SMG6: variants seen among roughly 807,000 people sequenced by gnomAD.
SMG6 encodes SMG6 nonsense mediated mRNA decay factor, also known as telomerase-binding protein EST1A.
Under a neutral mutation model 142.2 loss-of-function variants are expected in SMG6, and 66 were observed. The ratio of observed to expected loss-of-function variants is 0.46; its 90% CI spans 0.38 to 0.57. SMG6 has a LOEUF of 0.57. SMG6 is among the 20% of genes least tolerant of loss of function. The pLI is 0.00. For synonymous variants in SMG6, 779 were observed against 702.4 expected (o/e 1.11, Z -1.72); for missense variants, 1,793 against 1,832.0 (o/e 0.98, Z 0.39).
intron 15 of SMG6, among the ~76,000 whole-genome samples, chr17:2,069,605 A>C (rs1042921005): frequency 2.0e-5 from 3 of 152,174 alleles, no homozygotes; most frequent in African/African-American, 7.2e-5. Context: ...CAAAAAACAA[A>C]AACAACAACA....
chr17:2,232,659 C>T (rs2073530939), intron 10 of SMG6: 1 of 152,194 alleles, frequency 6.6e-6, no homozygotes, highest in South Asian at 2.1e-4. Context: ...TCTGTATCCA[C>T]TGACGTAGGA....
chr17:2,093,193 CAAAAA>C (rs530054035), intron 13 of SMG6, among the ~76,000 whole-genome samples: 1 of 96,946 alleles, frequency 1.0e-5, no homozygotes, highest in African/African-American at 3.8e-5. Context: ...GACTCTGTTG[CAAAAA>C]AAAAAAAAAA....
At chr17:2,269,708 C>A (rs576959195) in intron 8 of SMG6, among the ~76,000 whole-genome samples, 1 of 152,070 alleles carries the variant, frequency 6.6e-6, no homozygotes, top group Admixed American at 6.6e-5. Context: ...AAGAAAATCA[C>A]GAGAGATTTG....
rs1414444450 is a variant in SMG6 at position 2,172,718 on chromosome 17, G to A, written c.3297C>T (p.Gly1099=). The change falls in exon 13 of 19, where the codon GGC becomes GGT. Residue 1099 remains glycine (G), a synonymous_variant. Coordinates refer to ENST00000263073, the MANE Select transcript of SMG6 (RefSeq NM_017575.5). ...LILEEDRLLS[G]FVPLLAAPQD... ...GAGGGGCAGCCAGCAAGGGGACAAA[G>A]CCCGAGAGAAGCCGATCCTCTTCCA... 2 of 1,614,138 alleles carry A rather than the reference G, an allele frequency of 1.2e-6. No individual in the cohort carries two copies. The highest frequency in any genetic ancestry group is 1.7e-5 in the Admixed American group (1 of 60,020).
At chr17:2,234,444 G>A (rs2073591105) in intron 10 of SMG6, among the ~76,000 whole-genome samples, 1 of 151,490 alleles carries the variant, frequency 6.6e-6, no homozygotes, top group South Asian at 2.1e-4. Context: ...GGTATTTTTA[G>A]TATAGACAGG....
Position 2,061,612 on chromosome 17 carries a change from G to A in SMG6, c.4140C>T (p.Ile1380=). Residue 1380 remains isoleucine (I), a synonymous_variant, in exon 19 of 19, where the codon ATC becomes ATT. Transcript: ENST00000263073. ...DFMPASKEEP[I]RLLREVVLLT... ...ACAGCACCACCTCCCGCAGTAGCCG[G>A]ATTGGCTCCTCTGTGGGCATGAGAG... 6.4e-7 allele frequency: 1 copy of A among 1,572,058 alleles called. No homozygotes were observed. The highest frequency in any genetic ancestry group is 1.2e-5 in the South Asian group (1 of 85,830).
chr17:2,187,175 C>T (rs1175760900), intron 11 of SMG6, among the ~76,000 whole-genome samples: 1 of 152,146 alleles, frequency 6.6e-6, no homozygotes, highest in African/African-American at 2.4e-5. Flanking sequence ...TGAATTTAAT[C>T]ACAAGGAAAC....
chr17:2,261,875 A>C (rs1012361090), intron 8 of SMG6, among the ~76,000 whole-genome samples: 1 of 152,202 alleles, frequency 6.6e-6, no homozygotes, highest in Non-Finnish European at 1.5e-5. Flanking sequence ...GTCACTTGCA[A>C]GTATTTCAAA....
chr17:2,092,112 A>T (rs1245674096), intron 13 of SMG6, among the ~76,000 whole-genome samples: 1 of 151,726 alleles, frequency 6.6e-6, no homozygotes, highest in Non-Finnish European at 1.5e-5. Flanking sequence ...CAGCCTCCTG[A>T]GTAGCTGGGA....
At chr17:2,077,682 G>C (rs888513582) in intron 15 of SMG6, among the ~76,000 whole-genome samples, 8 of 152,174 alleles carry the variant, frequency 5.3e-5, no homozygotes, top group African/African-American at 9.7e-5. Flanking sequence ...CTAAAAAAGT[G>C]TTTAAGAGAC....
chr17:2,196,327 C>G (rs2072325183), intron 10 of SMG6, among the ~76,000 whole-genome samples: 1 of 152,148 alleles, frequency 6.6e-6, no homozygotes, highest in South Asian at 2.1e-4. Flanking sequence ...GAGGCTGAGG[C>G]AGGAGCAGGG....
intron 15 of SMG6, among the ~76,000 whole-genome samples, chr17:2,070,627 G>A (rs1425937197): frequency 2.0e-5 from 3 of 152,186 alleles, no homozygotes; most frequent in Non-Finnish European, 4.4e-5. Flanking sequence ...TCTGTGACCT[G>A]CCAGGGACCT....
Position 2,299,412 on chromosome 17 carries a change from G to T in SMG6, c.1341C>A (p.Gly447=). ...ACAATCGGCGTGTGGTGCCTCCACG[G>T]CCCCAACTCCGAGATCCCTTACTAC... ...GSGSKGSRSW[G]RGGTTRRLWD... is the part of the protein sequence containing the mutation. Residue 447 remains glycine, a synonymous_variant, in exon 2 of 19, where the codon GGC becomes GGA. Transcript: ENST00000263073. This position sits in a 1 kb window ranked among gnomAD's most constrained non-coding sequence, Gnocchi z 4.3. 6.2e-7 allele frequency: 1 copy of T among 1,613,756 alleles called. No homozygotes were observed. The highest frequency in any genetic ancestry group is 8.5e-7 in the Non-Finnish European group (1 of 1,180,020).
intron 9 of SMG6, among the ~76,000 whole-genome samples, chr17:2,240,911 G>A (rs118075173): frequency 0.023 from 3,444 of 152,260 alleles, 47 homozygotes; most frequent in East Asian, 0.051. Context: ...CATCTTCTTC[G>A]TAATTAGGCA....
At chr17:2,229,646 T>C (rs917221236) in intron 10 of SMG6, among the ~76,000 whole-genome samples, 39 of 152,190 alleles carry the variant, frequency 2.6e-4, no homozygotes, top group African/African-American at 8.4e-4. Flanking sequence ...CATCATGTAT[T>C]AGAGCATGGA....
Position 2,065,091 on chromosome 17 carries a change from A to G in SMG6, c.4111T>C (p.Phe1371Leu). 4 of 1,613,828 alleles carry G rather than the reference A, an allele frequency of 2.5e-6. No homozygotes were observed. Among genetic ancestry groups the G allele is most frequent in the Non-Finnish European group, 3.4e-6 (4 of 1,179,788 alleles). The change falls in exon 18 of 19, where the codon TTC becomes CTC. Residue 1371 changes from phenylalanine (F) to leucine (L), a missense_variant. Transcript: ENST00000263073. ...LHYCKDKAKD[F>L]MPASKEEPIR... Reference sequence around the variant, plus strand: ...GCTGTACCTTTGCTGGCGGGCATGAAGTCCTTAGCCTTGTCTTTGCAGTAG... The same window carrying G: ...GCTGTACCTTTGCTGGCGGGCATGAGGTCCTTAGCCTTGTCTTTGCAGTAG...
At chr17:2,076,069 G>A (rs1220408666) in intron 15 of SMG6, among the ~76,000 whole-genome samples, 1 of 152,238 alleles carries the variant, frequency 6.6e-6, no homozygotes, top group Non-Finnish European at 1.5e-5. Flanking sequence ...GGAAGTGGGG[G>A]TGTGGTTACA....
intron 8 of SMG6, among the ~76,000 whole-genome samples, chr17:2,264,074 GCTCCCAGAGTAACATCACCTCACTA>G (rs141256540): frequency 0.26 from 39,339 of 152,046 alleles, 6,568 homozygotes; most frequent in Admixed American, 0.36. Flanking sequence ...AAAGTGAGCT[GCTCCCAGAGTAACATCACCTCACTA>G]CTCCTTCCTA....
intron 10 of SMG6, chr17:2,236,198 A>G (rs2073646028): frequency 4.3e-6 from 1 of 230,350 alleles, no homozygotes; most frequent in Non-Finnish European, 8.6e-6. Context: ...GCAGCCTTCA[A>G]GAGGCCTTGC....
Sources: gnomAD v4.1 joint callset for allele counts (sites outside exome capture counted in the v4.1 genomes callset) on GRCh38, gnomAD v4.1.1 for gene constraint, Gnocchi (gnomAD v3.1) non-coding constraint, MANE v1.5 for transcripts, NCBI Gene and HGNC (gene_info 2026-07-23, HGNC 2026-07-21) for gene names.